Variants in IKZF4 observed in about 807,000 individuals in gnomAD.
The protein encoded by IKZF4 is IKAROS family zinc finger 4, also known as zinc finger protein Eos.
In IKZF4, 11 loss-of-function variants were observed where a neutral mutation model predicts 47.7. The observed-to-expected ratio is 0.23, with a 90% CI of 0.15 to 0.38. The LOEUF is 0.38. Among genes scored for constraint, IKZF4 ranks in the 10% least tolerant of loss-of-function variants. The pLI, the probability that IKZF4 is intolerant of heterozygous loss-of-function variation, is 1.00. For synonymous variants in IKZF4, 298 were observed against 299.4 expected (o/e 1.00, Z 0.05); for missense variants, 557 against 784.9 (o/e 0.71, Z 3.47).
chr12:56,021,168 A>G lies in IKZF4; in HGVS notation c.-326A>G. The G allele has an allele frequency of 4.2e-6, 5 of 1,196,014 alleles. No individual in the cohort carries two copies. Among genetic ancestry groups the G allele is most frequent in the Non-Finnish European group, 4.2e-6 (4 of 955,068 alleles). 74.1% of individuals were successfully genotyped at this position (1,196,014 alleles called of 1,614,324 possible). ...CCACCCACCCCCTTCACTGTCTTGG[A>G]AAAGGGATGCTGTAGCCTAGCATCT... is the stretch of plus-strand genomic sequence containing the variant. On this transcript the variant is annotated 5_prime_UTR_variant, in exon 1 of 8. Coordinates refer to ENST00000547167, the MANE Select transcript of IKZF4 (RefSeq NM_022465.4).
chr12:56,035,173 C>G lies in IKZF4; in HGVS notation c.1600C>G (p.His534Asp). ...GCCTGTGAAGGCCTTCAAGTGTGAG[C>G]ACTGCCGTATCCTCTTCCTGGACCA... ...GEPVKAFKCE[H>D]CRILFLDHVM... Residue 534 changes from histidine (H) to aspartate (D), a missense_variant, in exon 8 of 8, where the codon CAC (histidine) becomes GAC (aspartate). His to Asp is a moderately conservative substitution (Grantham distance 81). Coordinates refer to ENST00000547167, the MANE Select transcript of IKZF4 (RefSeq NM_022465.4). The surrounding 1 kb of genome is among the most constrained non-coding windows in gnomAD (Gnocchi z 6.1). 2 of 1,614,214 alleles carry G rather than the reference C, an allele frequency of 1.2e-6. No homozygotes were observed. The highest frequency in any genetic ancestry group is 1.7e-6 in the Non-Finnish European group (2 of 1,180,018).
intron 5 of IKZF4, among the ~76,000 whole-genome samples, chr12:56,032,039 C>G (rs982261339): frequency 2.0e-5 from 3 of 152,160 alleles, no homozygotes; most frequent in Non-Finnish European, 4.4e-5. Context: ...GCCCCCTCCC[C>G]ACATTGGCAG....
In IKZF4 at chr12:56,036,054, C is replaced by G. The variant is rs1035043565; in HGVS notation, c.*723C>G. The G allele has an allele frequency of 1.3e-5, 2 of 152,598 alleles. No individual in the cohort carries two copies. The highest frequency in any genetic ancestry group is 2.9e-5 in the Non-Finnish European group (2 of 68,054). 9.5% of individuals were successfully genotyped at this position (152,598 alleles called of 1,614,324 possible). On this transcript the variant is annotated 3_prime_UTR_variant, in exon 8 of 8. Coordinates refer to ENST00000547167, the MANE Select transcript of IKZF4 (RefSeq NM_022465.4). ...TCATATTCCCCTAGTAATATGAGTT[C>G]TCAAAGCCTACATTCAGGATCTCCC...
Position 56,034,597 on chromosome 12 carries a change from T to C in IKZF4, c.1024T>C (p.Ser342Pro). 1.2e-6 allele frequency: 2 copies of C among 1,612,722 alleles called. No homozygotes were observed. Among genetic ancestry groups the C allele is most frequent in the East Asian group, 4.5e-5 (2 of 44,860 alleles). The change falls in exon 8 of 8, where the codon TCA becomes CCA. Residue 342 changes from serine (S) to proline (P), a missense_variant. Coordinates refer to ENST00000547167, the MANE Select transcript of IKZF4 (RefSeq NM_022465.4). The stretch of plus-strand genomic sequence containing the variant: ...CGAAAAGCAGATGCGCTTCAGCCTC[T>C]CAGACCTCCCCTATGATGTGAACTC... ...VGEKQMRFSLSDLPYDVNSGG... is the reference protein window; with the variant it reads ...VGEKQMRFSLPDLPYDVNSGG...
chr12:56,025,294 G>A, intron 3 of IKZF4, 136 bp downstream of exon 3: 1 of 983,780 alleles, frequency 1.0e-6, no homozygotes, highest in Non-Finnish European at 1.5e-6. Flanking sequence ...AGAGCAATGA[G>A]GAGCCCAGTG....
At chr12:56,032,753 T>C in intron 6 of IKZF4, 43 bp downstream of exon 6, 2 of 1,605,810 alleles carry the variant, frequency 1.2e-6, no homozygotes, top group Non-Finnish European at 1.7e-6. Flanking sequence ...AAGGGGATGG[T>C]GAGAGGGAGT....
chr12:56,021,947 G>A, intron 1 of IKZF4: 1 of 272,050 alleles, frequency 3.7e-6, no homozygotes, highest in Non-Finnish European at 7.1e-6. Context: ...AGGAGCCTTG[G>A]CAAGCAGATG....
At position 56,037,063 on chromosome 12, in the gene IKZF4, A is replaced by G. The variant is rs1250850458; in HGVS notation, c.*1732A>G. The G allele has an allele frequency of 1.3e-5, 2 of 150,858 alleles. No individual in the cohort carries two copies. Among genetic ancestry groups the G allele is most frequent in the African/African-American group, 4.9e-5 (2 of 40,896 alleles). The allele number at this position is 150,858 out of a possible 1,614,324, so 9.3% of individuals were successfully genotyped here. A position where few individuals can be genotyped will look rare whatever the true frequency, so the allele number is the denominator to read the frequency against. ...TTACCTCCTACTTTTCTCACTCCCTATCAGGGATATTTTGGGGGGGGATGG... is the reference window on the plus strand; with the variant it reads ...TTACCTCCTACTTTTCTCACTCCCTGTCAGGGATATTTTGGGGGGGGATGG... On this transcript the variant is annotated 3_prime_UTR_variant, in exon 8 of 8. Coordinates refer to ENST00000547167, the MANE Select transcript of IKZF4 (RefSeq NM_022465.4).
upstream of IKZF4, among the ~76,000 whole-genome samples, chr12:56,016,157 T>TGGGTGG (rs1342107207): frequency 1.7e-5 from 1 of 58,350 alleles, no homozygotes; most frequent in Non-Finnish European, 3.2e-5. Flanking sequence ...AGACAAGAAT[T>TGGGTGG]GGGTGGGGGT....
intron 1 of IKZF4, 34 bp downstream of exon 1, chr12:56,021,614 G>A (rs766353773): frequency 1.3e-6 from 2 of 1,573,594 alleles, no homozygotes; most frequent in Non-Finnish European, 1.7e-6. Context: ...AGTGGAGGGA[G>A]GAAGGGGGGT....
chr12:56,016,491 G>A (rs1057280797), upstream of IKZF4, among the ~76,000 whole-genome samples: 2 of 147,780 alleles, frequency 1.4e-5, no homozygotes, highest in Admixed American at 6.8e-5. Flanking sequence ...GCAGGATCTC[G>A]GTGCACCGCA....
chr12:56,014,962 T>C (rs1333952729), intron 2 of IKZF4, among the ~76,000 whole-genome samples: 1 of 152,102 alleles, frequency 6.6e-6, no homozygotes, highest in Non-Finnish European at 1.5e-5. Flanking sequence ...ACTTCACTGC[T>C]CTCAGCCTCA....
chr12:56,022,472 C>T (rs911258025), intron 1 of IKZF4, among the ~76,000 whole-genome samples: 5 of 152,196 alleles, frequency 3.3e-5, no homozygotes, highest in African/African-American at 1.2e-4. Flanking sequence ...GAGTCCCAGA[C>T]TTTTGAGATT....
At chr12:56,021,763 G>A in intron 1 of IKZF4, 183 bp downstream of exon 1, 1 of 900,016 alleles carries the variant, frequency 1.1e-6, no homozygotes, top group South Asian at 1.7e-5. Context: ...CCTTATACTT[G>A]CGGAGGATGG....
intron 2 of IKZF4, 41 bp from the exon 3 acceptor site, chr12:56,025,013 C>G (rs759908661): frequency 1.3e-6 from 2 of 1,554,776 alleles, no homozygotes; most frequent in South Asian, 1.2e-5. Flanking sequence ...GTAGATATCT[C>G]CAGCTCCAGC....
At chr12:56,014,155 CAAAAAAAAAA>C in intron 2 of IKZF4, among the ~76,000 whole-genome samples, 1 of 80,946 alleles carries the variant, frequency 1.2e-5, no homozygotes, top group South Asian at 4.6e-4. Flanking sequence ...GACTCCGTCT[CAAAAAAAAAA>C]AAAAAAGAAA....
chr12:56,028,530 C>T (rs1470844845), intron 5 of IKZF4, among the ~76,000 whole-genome samples: 2 of 28,100 alleles, frequency 7.1e-5, no homozygotes, highest in East Asian at 2.4e-3. Context: ...GACACTCAGT[C>T]TCAAAAAAAA....
chr12:56,025,186 G>T lies in IKZF4; in HGVS notation c.286+28G>T. On this transcript the variant is annotated intron_variant, in intron 3 of 7. Transcript: ENST00000547167. ...AAGTGTAACCTCCTACCACCTCCTG[G>T]CAGTAGGCACCCCCTGTTGCATTTG... 3.3e-6 allele frequency: 5 copies of T among 1,513,430 alleles called. No individual in the cohort carries two copies. In the South Asian group the frequency reaches 6.5e-5, roughly 20 times the overall value. The allele number at this position is 1,513,430 out of a possible 1,614,324, so 93.8% of individuals were successfully genotyped here.
chr12:56,018,173 G>A, upstream of IKZF4: 1 of 1,289,314 alleles, frequency 7.8e-7, no homozygotes, highest in African/African-American at 1.5e-5. Context: ...GCTCCTATGT[G>A]TCTGGTATGC....
Sources: gnomAD v4.1 joint callset for allele counts (sites outside exome capture counted in the v4.1 genomes callset) on GRCh38, gnomAD v4.1.1 for gene constraint, Gnocchi (gnomAD v3.1) non-coding constraint, MANE v1.5 for transcripts, NCBI Gene and HGNC (gene_info 2026-07-23, HGNC 2026-07-21) for gene names.